Variants in ZC3H12B observed in about 807,000 individuals in gnomAD.
ZC3H12B encodes probable ribonuclease ZC3H12B.
ZC3H12B carries 7 observed loss-of-function variants against 43.9 expected under a neutral mutation model. The observed-to-expected ratio is 0.16, with a 90% CI of 0.09 to 0.30. The LOEUF is 0.30. Among genes scored for constraint, ZC3H12B ranks in the 10% least tolerant of loss-of-function variants. The pLI, the probability that ZC3H12B is intolerant of heterozygous loss-of-function variation, is 1.00. For synonymous variants in ZC3H12B, 222 were observed against 241.7 expected (o/e 0.92, Z 0.76); for missense variants, 475 against 670.2 (o/e 0.71, Z 3.22).
the ZC3H12B span, among the ~76,000 whole-genome samples, chrX:65,092,973 G>A: frequency 8.1e-5 from 9 of 111,651 alleles, no homozygotes; most frequent in Non-Finnish European, 1.7e-4. Flanking sequence ...CAGAGACCTA[G>A]GAGGGAAGAA....
chrX:65,473,419 T>G (rs970111768), intron 3 of ZC3H12B, among the ~76,000 whole-genome samples: 1 of 112,100 alleles, frequency 8.9e-6, no homozygotes, highest in Admixed American at 9.5e-5. Flanking sequence ...ATATGATTTA[T>G]GGAGTGTATT....
At chrX:65,104,557 T>C in the ZC3H12B span, among the ~76,000 whole-genome samples, 44 of 111,109 alleles carry the variant, frequency 4.0e-4, no homozygotes, top group East Asian at 0.012. Context: ...AGCTCAAATT[T>C]ACAAGAAAAA....
At chrX:65,455,327 A>G (rs1463328095) in intron 3 of ZC3H12B, among the ~76,000 whole-genome samples, 5 of 112,584 alleles carry the variant, frequency 4.4e-5, no homozygotes, top group Admixed American at 3.8e-4. Flanking sequence ...CTACGTGACA[A>G]ATGCATAAGC....
At chrX:65,485,657 G>C (rs1016793543), upstream of ZC3H12B, among the ~76,000 whole-genome samples, 7 of 111,894 alleles carry the variant, frequency 6.3e-5, no homozygotes, top group South Asian at 3.7e-4. Context: ...TTTTGCTTTA[G>C]CCATCTTCAA....
At chrX:65,458,085 T>TAAAAAAAAAAAAAAAAAAAAG (rs59738258) in intron 3 of ZC3H12B, among the ~76,000 whole-genome samples, 1 of 49,081 alleles carries the variant, frequency 2.0e-5, no homozygotes, top group Non-Finnish European at 3.8e-5. Context: ...AAAAAAAAAT[T>TAAAAAAAAAAAAAAAAAAAAG]AAAAAAAAAA....
At chrX:65,220,862 G>A in the ZC3H12B span, among the ~76,000 whole-genome samples, 2 of 111,396 alleles carry the variant, frequency 1.8e-5, no homozygotes, top group African/African-American at 6.5e-5. Context: ...TAAACAGATA[G>A]TGCAGAACAT....
At chrX:65,256,445 T>G in the ZC3H12B span, among the ~76,000 whole-genome samples, 8 of 112,045 alleles carry the variant, frequency 7.1e-5, no homozygotes, top group Non-Finnish European at 1.3e-4. Context: ...GACTTTCAGA[T>G]AAATAATTAA....
At chrX:65,411,305 G>C (rs1350039381) in intron 3 of ZC3H12B, among the ~76,000 whole-genome samples, 1 of 112,496 alleles carries the variant, frequency 8.9e-6, no homozygotes. Flanking sequence ...CAGAGGCTAA[G>C]AGGAGATAGG....
the ZC3H12B span, among the ~76,000 whole-genome samples, chrX:65,107,721 C>A: frequency 9.0e-6 from 1 of 110,930 alleles, no homozygotes; most frequent in Non-Finnish European, 1.9e-5. Flanking sequence ...GGCTTTCCCC[C>A]TACGGCTCGG....
At chrX:65,414,501 C>A (rs1047361872) in intron 3 of ZC3H12B, among the ~76,000 whole-genome samples, 1 of 111,065 alleles carries the variant, frequency 9.0e-6, no homozygotes, top group Non-Finnish European at 1.9e-5. Flanking sequence ...CTATTTCTAT[C>A]GATTCTGTCA....
chrX:65,120,906 A>C, the ZC3H12B span, among the ~76,000 whole-genome samples: 1 of 111,729 alleles, frequency 9.0e-6, no homozygotes, highest in East Asian at 2.8e-4. Context: ...TATTGAGATA[A>C]TCATGTGGTT....
the ZC3H12B span, among the ~76,000 whole-genome samples, chrX:65,228,590 A>T: frequency 9.0e-6 from 1 of 111,495 alleles, no homozygotes; most frequent in African/African-American, 3.3e-5. Flanking sequence ...GAGGAAGTCA[A>T]ATTGTCCCTG....
the ZC3H12B span, among the ~76,000 whole-genome samples, chrX:65,067,965 A>AT: frequency 1.4e-4 from 15 of 109,378 alleles, no homozygotes; most frequent in Admixed American, 4.8e-4. Context: ...ACATTTTTCA[A>AT]TTTTTTTTCT....
chrX:65,294,664 C>T, the ZC3H12B span, among the ~76,000 whole-genome samples: 1 of 111,401 alleles, frequency 9.0e-6, no homozygotes, highest in Non-Finnish European at 1.9e-5. Context: ...AAAGATATTC[C>T]ATGCAAATGT....
chrX:65,100,667 A>T, the ZC3H12B span, among the ~76,000 whole-genome samples: 4 of 107,675 alleles, frequency 3.7e-5, no homozygotes, highest in Non-Finnish European at 7.7e-5. Context: ...ACATTACATG[A>T]TGGTAAATGG....
the ZC3H12B span, among the ~76,000 whole-genome samples, chrX:65,230,267 C>T: frequency 1.8e-5 from 2 of 110,270 alleles, no homozygotes; most frequent in East Asian, 2.9e-4. Flanking sequence ...TCATCATTCT[C>T]AGTAAACTAT....
the ZC3H12B span, among the ~76,000 whole-genome samples, chrX:65,170,172 C>G: frequency 9.0e-6 from 1 of 111,657 alleles, no homozygotes; most frequent in Non-Finnish European, 1.9e-5. Flanking sequence ...TGGCTGGTAC[C>G]AATTGTTCCT....
the ZC3H12B span, among the ~76,000 whole-genome samples, chrX:65,152,289 A>G: frequency 1.8e-5 from 2 of 111,669 alleles, no homozygotes; most frequent in African/African-American, 6.5e-5. Context: ...AGGAAGTCAA[A>G]TTGTCCCTTT....
the ZC3H12B span, among the ~76,000 whole-genome samples, chrX:65,250,819 T>A: frequency 8.9e-6 from 1 of 111,987 alleles, no homozygotes; most frequent in African/African-American, 3.3e-5. Context: ...TTGAGTTCTT[T>A]GTGGATTCTG....
Sources: allele counts gnomAD v4.1 joint callset (sites outside exome capture counted in the v4.1 genomes callset), GRCh38; gene constraint gnomAD v4.1.1; transcripts MANE v1.5; gene names NCBI Gene and HGNC (gene_info 2026-07-23, HGNC 2026-07-21).